SLC25A20: variants seen among roughly 807,000 people sequenced by gnomAD.
The protein encoded by SLC25A20 is solute carrier family 25 member 20, also known as mitochondrial carnitine/acylcarnitine carrier protein.
A neutral mutation model predicts 39.7 loss-of-function variants in SLC25A20; 29 were observed. The ratio of observed to expected loss-of-function variants is 0.73; its 90% CI spans 0.54 to 1.00. The LOEUF (loss-of-function observed/expected upper bound fraction) is 1.00. Among genes scored for constraint, SLC25A20 ranks in the 50% least tolerant of loss-of-function variants. The pLI is 0.00. For missense variants in SLC25A20, 333 were observed against 379.9 expected, an observed-to-expected ratio of 0.88 and a Z score of 1.03; for synonymous variants, 103 against 142.2, an observed-to-expected ratio of 0.72 and a Z score of 1.96.
intron 2 of SLC25A20, among the ~76,000 whole-genome samples, chr3:48,891,354 C>A (rs1026511134): frequency 6.6e-6 from 1 of 152,092 alleles, no homozygotes; most frequent in Non-Finnish European, 1.5e-5. Flanking sequence ...GGATTATAGG[C>A]GTAAGCCACC....
chr3:48,889,500 T>A (rs2083857581), intron 2 of SLC25A20, among the ~76,000 whole-genome samples: 1 of 152,188 alleles, frequency 6.6e-6, no homozygotes, highest in African/African-American at 2.4e-5. Flanking sequence ...GGCTGACTTT[T>A]CCTTCAGACT....
chr3:48,895,828 G>C (rs1559673341), intron 1 of SLC25A20: 1 of 456,480 alleles, frequency 2.2e-6, no homozygotes, highest in South Asian at 1.5e-5. Context: ...AGTTAGTAGA[G>C]AGAGAGAAAT....
chr3:48,889,952 G>A (rs970734728), intron 2 of SLC25A20, among the ~76,000 whole-genome samples: 1 of 152,140 alleles, frequency 6.6e-6, no homozygotes, highest in Non-Finnish European at 1.5e-5. Flanking sequence ...CCCGCATAAG[G>A]GCCGCTTGAG....
At chr3:48,880,574 C>CTTTTTT (rs35306259) in intron 3 of SLC25A20, among the ~76,000 whole-genome samples, 1 of 73,094 alleles carries the variant, frequency 1.4e-5, no homozygotes, top group African/African-American at 5.6e-5. Context: ...CTGTGCCCGG[C>CTTTTTT]TTTTTTTTTT....
chr3:48,874,137 C>T (rs971318049), intron 4 of SLC25A20, among the ~76,000 whole-genome samples: 4 of 151,348 alleles, frequency 2.6e-5, no homozygotes, highest in African/African-American at 9.7e-5. Context: ...ACTAAAAATA[C>T]AAAAATTAGC....
At chr3:48,870,174 C>T (rs1391548206) in intron 4 of SLC25A20, among the ~76,000 whole-genome samples, 2 of 152,048 alleles carry the variant, frequency 1.3e-5, no homozygotes, top group South Asian at 2.1e-4. Context: ...CCGAGGCAGA[C>T]GGATCACTTG....
intron 5 of SLC25A20, among the ~76,000 whole-genome samples, chr3:48,861,968 C>T (rs577897769): frequency 6.6e-6 from 1 of 152,232 alleles, no homozygotes; most frequent in South Asian, 2.1e-4. Context: ...GCAGAGGTTG[C>T]AGTAAGCCAA....
chr3:48,888,207 GAAAAAAAAAAA>G (rs751937375), intron 2 of SLC25A20, among the ~76,000 whole-genome samples: 2 of 44,266 alleles, frequency 4.5e-5, no homozygotes, highest in East Asian at 6.1e-4. Context: ...ACTCCATCTC[GAAAAAAAAAAA>G]AAAAAAAAAA....
chr3:48,898,101 A>T (rs1481121877), intron 1 of SLC25A20, among the ~76,000 whole-genome samples: 1 of 152,154 alleles, frequency 6.6e-6, no homozygotes, highest in African/African-American at 2.4e-5. Flanking sequence ...CTTTCCGTGG[A>T]AGGGGCTCGG....
intron 4 of SLC25A20, among the ~76,000 whole-genome samples, chr3:48,873,139 G>A (rs1575984558): frequency 1.3e-5 from 2 of 152,120 alleles, no homozygotes; most frequent in South Asian, 2.1e-4. Context: ...CAGGAGAATC[G>A]CTTGAATCTG....
In SLC25A20 at chr3:48,857,721, G is replaced by A; in HGVS notation, c.895C>T (p.Pro299Ser). The change falls in exon 9 of 9, where the codon CCC becomes TCC. Residue 299 changes from proline (P) to serine (S), a missense_variant. Transcript: ENST00000319017. ...AGCAGCCTTCAGCCTCACAAGTTGG[G>A]GGTGGCCCAATTAAGGAACTTCATG... ...VAMKFLNWAT[P>S]NL The A allele has an allele frequency of 3.1e-6, 5 of 1,613,896 alleles. No individual in the cohort carries two copies. The highest frequency in any genetic ancestry group is 4.2e-6 in the Non-Finnish European group (5 of 1,179,952).
chr3:48,881,958 C>T (rs911640338), intron 3 of SLC25A20, among the ~76,000 whole-genome samples: 2 of 152,222 alleles, frequency 1.3e-5, no homozygotes, highest in Admixed American at 1.3e-4. Flanking sequence ...TCTACAAGCA[C>T]CTCCATCTAC....
chr3:48,887,093 G>C (rs1004409864), intron 2 of SLC25A20, among the ~76,000 whole-genome samples: 1 of 152,188 alleles, frequency 6.6e-6, no homozygotes, highest in Non-Finnish European at 1.5e-5. Flanking sequence ...AATGGGAAAA[G>C]GACAGAGATC....
rs1269322868 is a variant in SLC25A20, at chr3:48,858,540, A to T, written c.810T>A (p.Asn270Lys). The T allele has an allele frequency of 6.2e-7, 1 of 1,614,180 alleles. No homozygotes were observed. The highest frequency in any genetic ancestry group is 1.1e-5 in the South Asian group (1 of 91,084). Residue 270 changes from asparagine to lysine, a missense_variant, in exon 8 of 9, where the codon AAT (asparagine) becomes AAA (lysine). Asn to Lys is a moderately conservative substitution (Grantham distance 94). Transcript: ENST00000319017. The stretch of plus-strand genomic sequence containing the variant: ...CTGGGAAGGCTCGGATCATCACTGC[A>T]TTGAACCCTTTGTACAAGGATGTGA... Reference protein sequence around the residue: ...EGVTSLYKGFNAVMIRAFPAN... With the variant: ...EGVTSLYKGFKAVMIRAFPAN...
Position 48,857,672 on chromosome 3 carries a change from T to G in SLC25A20, c.*38A>C. ...ACTACTCCTTCTCCTCAACGACAGC[T>G]TCCAGCATCCAGAAGTGAACTTGAG... is the stretch of plus-strand genomic sequence containing the variant. On this transcript the variant is annotated 3_prime_UTR_variant, in exon 9 of 9. Transcript: ENST00000319017. 6.2e-7 allele frequency: 1 copy of G among 1,603,098 alleles called. No homozygotes were observed. Among genetic ancestry groups the G allele is most frequent in the Non-Finnish European group, 8.5e-7 (1 of 1,170,964 alleles).
Position 48,898,696 on chromosome 3 carries a change from C to A in SLC25A20, c.99G>T (p.Thr33=), listed in dbSNP as rs139839512. ...CLVFVGHPLD[T]VKVRLQTQPP... is the part of the protein sequence containing the mutation. The stretch of plus-strand genomic sequence containing the variant: ...GCGACCCAGCCTCCCGCACCTTGAC[C>A]GTGTCCAGAGGGTGACCGACGAACA... Residue 33 remains threonine, a synonymous_variant, in exon 1 of 9, where the codon ACG becomes ACT. Transcript: ENST00000319017. 6.2e-7 allele frequency: 1 copy of A among 1,603,692 alleles called. No homozygotes were observed. The highest frequency in any genetic ancestry group is 1.1e-5 in the South Asian group (1 of 89,464).
chr3:48,860,643 C>A (rs369838194), intron 5 of SLC25A20, among the ~76,000 whole-genome samples: 1 of 151,336 alleles, frequency 6.6e-6, no homozygotes, highest in Non-Finnish European at 1.5e-5. Flanking sequence ...CAAAAATTAG[C>A]CCGGCCTGGT....
chr3:48,866,840 C>T (rs913396184), intron 4 of SLC25A20, among the ~76,000 whole-genome samples: 3 of 151,958 alleles, frequency 2.0e-5, no homozygotes, highest in Admixed American at 6.6e-5. Context: ...CTAGCCCAGA[C>T]TGGAGTGCAA....
In SLC25A20 at chr3:48,858,645, C is replaced by T; in HGVS notation, c.719-14G>A. The T allele has an allele frequency of 6.2e-7, 1 of 1,614,076 alleles. No individual in the cohort carries two copies. The highest frequency in any genetic ancestry group is 1.3e-5 in the African/African-American group (1 of 75,034). ...TCCCAGGAGGTGCTGTGGGGCAGAA[C>T]CCAATTTTTAAGGCTTCAGGAAGGA... On this transcript the variant is annotated splice_polypyrimidine_tract_variant and intron_variant, in intron 7 of 8. Coordinates refer to ENST00000319017, the MANE Select transcript of SLC25A20 (RefSeq NM_000387.6).
Sources: allele counts gnomAD v4.1 joint callset (sites outside exome capture counted in the v4.1 genomes callset), GRCh38; gene constraint gnomAD v4.1.1; transcripts MANE v1.5; gene names NCBI Gene and HGNC (gene_info 2026-07-23, HGNC 2026-07-21).